Variants in SULT4A1 observed in about 807,000 individuals in gnomAD.
The protein encoded by SULT4A1 is sulfotransferase 4A1.
In SULT4A1, 11 loss-of-function variants were observed where a neutral mutation model predicts 35.2. That is an observed-to-expected ratio of 0.31 (90% confidence interval 0.20 to 0.52). SULT4A1 has a LOEUF of 0.52. Ranked by LOEUF, SULT4A1 falls within the 20% of genes least tolerant of loss-of-function variation. SULT4A1 has a pLI of 0.97. For missense variants in SULT4A1, 271 were observed against 383.7 expected (o/e 0.71, Z 2.45); for synonymous variants, 152 against 151.8 (o/e 1.00, Z -0.01).
Position 43,825,666 on chromosome 22 carries a change from T to G in SULT4A1, c.*335A>C, listed in dbSNP as rs562904787. ...TACTGACATTTATGTAGATTTCCAG[T>G]GAAAAGCTCTATAAAATACAATAAT... On this transcript the variant is annotated 3_prime_UTR_variant, in exon 7 of 7. Transcript: ENST00000330884. 6 of 148,586 alleles carry G rather than the reference T, an allele frequency of 4.0e-5. 1 individual carries two copies. Among genetic ancestry groups the G allele is most frequent in the Non-Finnish European group, 7.9e-5 (6 of 76,200 alleles). 9.2% of individuals were successfully genotyped at this position (148,586 alleles called of 1,614,324 possible). A position where few individuals can be genotyped will look rare whatever the true frequency, so the allele number is the denominator to read the frequency against.
At position 43,841,447 on chromosome 22, in the gene SULT4A1, T is replaced by C. The variant is rs16991092; in HGVS notation, c.300+355A>G. On this transcript the variant is annotated intron_variant, in intron 2 of 6. Coordinates refer to ENST00000330884, the MANE Select transcript of SULT4A1 (RefSeq NM_014351.4). Reference sequence around the variant, plus strand: ...TGGGGTAACATTTATTCATTCTTGATACCAAATATTTGATGCAAACACATC... The same window carrying C: ...TGGGGTAACATTTATTCATTCTTGACACCAAATATTTGATGCAAACACATC... Among the ~76,000 whole-genome samples the C allele has an allele frequency of 5.8e-3, 879 of 152,230 alleles. 10 individuals are homozygous for C. Among genetic ancestry groups the C allele is most frequent in the African/African-American group, 0.02 (847 of 41,550 alleles).
chr22:43,847,111 C>G (rs928166645), intron 1 of SULT4A1, among the ~76,000 whole-genome samples: 2 of 152,108 alleles, frequency 1.3e-5, no homozygotes, highest in East Asian at 3.9e-4. Context: ...ACATCAATTT[C>G]CTGGTTGAAC....
intron 1 of SULT4A1, among the ~76,000 whole-genome samples, chr22:43,858,409 T>G (rs1217092364): frequency 6.6e-6 from 1 of 152,064 alleles, no homozygotes; most frequent in Non-Finnish European, 1.5e-5. Flanking sequence ...CCAGGACACT[T>G]GCTTTGGCAG....
Position 43,862,291 on chromosome 22 carries a change from C to G in SULT4A1, c.92G>C (p.Cys31Ser), listed in dbSNP as rs1408410792. 1 of 1,572,476 alleles carries G rather than the reference C, an allele frequency of 6.4e-7. No individual in the cohort carries two copies. ...EFHGVRLPPF[C>S]RGKMEEIANF... Reference sequence around the variant, plus strand: ...GGCGATCTCCTCCATCTTCCCGCGGCAGAAGGGCGGCAGCCGCACGCCATG... The same window carrying G: ...GGCGATCTCCTCCATCTTCCCGCGGGAGAAGGGCGGCAGCCGCACGCCATG... Residue 31 changes from cysteine (C) to serine (S), a missense_variant, in exon 1 of 7, where the codon TGC becomes TCC. Cys to Ser is a moderately radical substitution (Grantham distance 112, BLOSUM62 -1). This residue lies in a region of SULT4A1 where 164 missense variants were observed against 254.1 expected (regional missense o/e 0.65). Coordinates refer to ENST00000330884, the MANE Select transcript of SULT4A1 (RefSeq NM_014351.4).
intron 4 of SULT4A1, among the ~76,000 whole-genome samples, chr22:43,836,156 TGCAG>T (rs2063370433): frequency 6.6e-6 from 1 of 150,888 alleles, no homozygotes; most frequent in African/African-American, 2.5e-5. Context: ...GTCCTCACAC[TGCAG>T]GTGCCACAGG....
chr22:43,831,314 C>CAGCTGCCCCCGAGATGTGTGGGT, intron 5 of SULT4A1, among the ~76,000 whole-genome samples: 1 of 152,356 alleles, frequency 6.6e-6, no homozygotes, highest in East Asian at 1.9e-4. Flanking sequence ...GATGTGTGGG[C>CAGCTGCCCCCGAGATGTGTGGGT]AGCTGGCCAG....
intron 4 of SULT4A1, 85 bp downstream of exon 4, chr22:43,838,782 G>A: frequency 6.4e-7 from 1 of 1,574,572 alleles, no homozygotes; most frequent in African/African-American, 1.3e-5. Flanking sequence ...TGGAGACCGT[G>A]TCGGGGAAGC....
chr22:43,841,408 G>A (rs774482177), intron 2 of SULT4A1, among the ~76,000 whole-genome samples: 2 of 152,174 alleles, frequency 1.3e-5, no homozygotes, highest in African/African-American at 2.4e-5. Context: ...TGAGGGGTGC[G>A]GGGAGCAGGG....
intron 1 of SULT4A1, among the ~76,000 whole-genome samples, chr22:43,858,147 T>C (rs144688024): frequency 1.3e-5 from 2 of 151,924 alleles, no homozygotes; most frequent in East Asian, 3.9e-4. Context: ...CCCAGTACTT[T>C]GGGAGGCCAA....
chr22:43,859,798 T>A (rs1176925912), intron 1 of SULT4A1, among the ~76,000 whole-genome samples: 2 of 152,366 alleles, frequency 1.3e-5, no homozygotes, highest in East Asian at 3.9e-4. Flanking sequence ...TAGCCCCATG[T>A]GGCTACTGAG....
At chr22:43,858,730 C>T (rs2049431876) in intron 1 of SULT4A1, among the ~76,000 whole-genome samples, 2 of 151,938 alleles carry the variant, frequency 1.3e-5, no homozygotes, top group Non-Finnish European at 2.9e-5. Flanking sequence ...GCCTCTCTTA[C>T]CCCCTCCTGT....
chr22:43,829,694 C>T (rs1603403904), intron 5 of SULT4A1, among the ~76,000 whole-genome samples: 1 of 152,162 alleles, frequency 6.6e-6, no homozygotes, highest in South Asian at 2.1e-4. Flanking sequence ...ATACCCTGCC[C>T]CATTATTTTA....
intron 6 of SULT4A1, 136 bp downstream of exon 6, chr22:43,828,924 A>G (rs1283332713): frequency 1.0e-6 from 1 of 1,003,214 alleles, no homozygotes; most frequent in Non-Finnish European, 1.4e-6. Flanking sequence ...AGCACAGGCC[A>G]TGGGCCAGCT....
At chr22:43,851,943 A>C (rs548375514) in intron 1 of SULT4A1, among the ~76,000 whole-genome samples, 28 of 152,208 alleles carry the variant, frequency 1.8e-4, no homozygotes, top group Non-Finnish European at 3.4e-4. Flanking sequence ...GTGAGACAGC[A>C]CTCAGCCCTG....
intron 1 of SULT4A1, among the ~76,000 whole-genome samples, chr22:43,845,205 G>A (rs894430917): frequency 1.6e-4 from 25 of 151,938 alleles, no homozygotes; most frequent in African/African-American, 5.8e-4. Flanking sequence ...TCATCTCCCC[G>A]CCCTGAACGT....
chr22:43,842,180 A>G (rs962024550), intron 1 of SULT4A1, among the ~76,000 whole-genome samples: 1 of 152,188 alleles, frequency 6.6e-6, no homozygotes, highest in Non-Finnish European at 1.5e-5. Context: ...GGAGAACAGA[A>G]CAGAACAGAA....
intron 1 of SULT4A1, among the ~76,000 whole-genome samples, chr22:43,843,843 C>T (rs2063453195): frequency 6.6e-6 from 1 of 152,240 alleles, no homozygotes; most frequent in Non-Finnish European, 1.5e-5. Flanking sequence ...GCCGCTCTGG[C>T]AAATTAGTCA....
At chr22:43,853,384 C>A (rs1463036140) in intron 1 of SULT4A1, among the ~76,000 whole-genome samples, 3 of 152,246 alleles carry the variant, frequency 2.0e-5, no homozygotes, top group Non-Finnish European at 4.4e-5. Context: ...CACTTCTGGG[C>A]CTGGGACCCT....
Position 43,838,889 on chromosome 22 carries a change from G to A in SULT4A1, c.486C>T (p.Cys162=). 1.2e-6 allele frequency: 2 copies of A among 1,614,126 alleles called. No individual in the cohort carries two copies. Among genetic ancestry groups the A allele is most frequent in the Non-Finnish European group, 1.7e-6 (2 of 1,179,986 alleles). The change falls in exon 4 of 7, where the codon TGC becomes TGT. Residue 162 remains cysteine, a synonymous_variant. Transcript: ENST00000330884. Reference sequence around the variant, plus strand: ...CACGCTTATCATTCATAAACCTCCGGCAGAATTCTTGAAAGGTGCCTCGGT... The same window carrying A: ...CACGCTTATCATTCATAAACCTCCGACAGAATTCTTGAAAGGTGCCTCGGT... The part of the protein sequence containing the change: ...MSYRGTFQEF[C]RRFMNDKLGY...
Sources: allele counts gnomAD v4.1 joint callset (sites outside exome capture counted in the v4.1 genomes callset), GRCh38; gene constraint gnomAD v4.1.1; regional missense constraint gnomAD v4.1.1; transcripts MANE v1.5; gene names NCBI Gene and HGNC (gene_info 2026-07-23, HGNC 2026-07-21).